Variants in IGF1R observed in about 807,000 individuals in gnomAD.
IGF1R encodes the protein insulin like growth factor 1 receptor.
A neutral mutation model predicts 144.6 loss-of-function variants in IGF1R; 44 were observed. The observed-to-expected ratio is 0.30, with a 90% confidence interval of 0.24 to 0.39. IGF1R has a LOEUF of 0.39. Among genes scored for constraint, IGF1R ranks in the 10% least tolerant of loss-of-function variants. IGF1R has a pLI of 1.00. For missense variants in IGF1R, 1,355 were observed against 1,833.7 expected, an observed-to-expected ratio of 0.74 and a Z score of 4.77; for synonymous variants, 795 against 722.8, an observed-to-expected ratio of 1.10 and a Z score of -1.60.
At position 98,963,878 on chromosome 15, in the gene IGF1R, G is replaced by C. The variant is rs913847369; in HGVS notation, c.*6436G>C. 3 of 233,018 alleles carry C rather than the reference G, an allele frequency of 1.3e-5. No individual in the cohort carries two copies. The highest frequency in any genetic ancestry group is 6.6e-5 in the African/African-American group (3 of 45,318). 14.4% of individuals were successfully genotyped at this position (233,018 alleles called of 1,614,324 possible). A position where few individuals can be genotyped will look rare whatever the true frequency, so the allele number is the denominator to read the frequency against. On this transcript the variant is annotated 3_prime_UTR_variant, in exon 21 of 21. Transcript: ENST00000650285. ...CTTCCTCTAACTCCAGTGGATTGTT[G>C]GCCATGTCTCCCCAACTCCACAATA...
chr15:98,663,737 G>A (rs542854139), intron 1 of IGF1R, among the ~76,000 whole-genome samples: 91 of 152,332 alleles, frequency 6.0e-4, no homozygotes, highest in African/African-American at 2.0e-3. Context: ...GTGGCCTTGG[G>A]CTTCCCGAGG....
At chr15:98,725,540 C>A (rs564241229) in intron 2 of IGF1R, among the ~76,000 whole-genome samples, 2 of 152,248 alleles carry the variant, frequency 1.3e-5, no homozygotes, top group East Asian at 3.9e-4. Flanking sequence ...GTTGACCCAA[C>A]CCATGCATGC....
At chr15:98,768,950 AC>A (rs749247118) in intron 2 of IGF1R, among the ~76,000 whole-genome samples, 10,198 of 151,854 alleles carry the variant, frequency 0.067, 428 homozygotes, top group Non-Finnish European at 0.085. Flanking sequence ...AACAACAACA[AC>A]AACAACAACA....
At position 98,660,543 on chromosome 15, in the gene IGF1R, C is replaced by T. The variant is rs572095090; in HGVS notation, c.94+10868C>T. 2.6e-5 allele frequency: 4 copies of T among 152,364 alleles called. No homozygotes were observed. The East Asian group carries it at 7.7e-4, about 29-fold the overall frequency. The allele number at this position is 152,364 out of a possible 1,614,324, so 9.4% of individuals were successfully genotyped here. A position where few individuals can be genotyped will look rare whatever the true frequency, so the allele number is the denominator to read the frequency against. Reference sequence around the variant, plus strand: ...TTCTTAAAGGGATACTCGCCATTCACTTTGAAGCACTTCTTTGTACAACAA... The same window carrying T: ...TTCTTAAAGGGATACTCGCCATTCATTTTGAAGCACTTCTTTGTACAACAA... On this transcript the variant is annotated intron_variant, in intron 1 of 20. Coordinates refer to ENST00000650285, the MANE Select transcript of IGF1R (RefSeq NM_000875.5).
chr15:98,805,339 T>C (rs1201382508), intron 2 of IGF1R, among the ~76,000 whole-genome samples: 2 of 152,218 alleles, frequency 1.3e-5, no homozygotes, highest in Admixed American at 6.5e-5. Flanking sequence ...CGAAACATTT[T>C]ACATTTCTCA....
At chr15:98,810,703 C>G (rs2037988471) in intron 2 of IGF1R, among the ~76,000 whole-genome samples, 1 of 152,028 alleles carries the variant, frequency 6.6e-6, no homozygotes, top group Non-Finnish European at 1.5e-5. Flanking sequence ...CGCCCGCCAC[C>G]ACGCCCGGCT....
intron 2 of IGF1R, among the ~76,000 whole-genome samples, chr15:98,872,922 A>G (rs117630974): frequency 0.059 from 8,933 of 151,636 alleles, 355 homozygotes; most frequent in Middle Eastern, 0.14. Context: ...AAATGGGCGT[A>G]GGCTGTTTCT....
intron 2 of IGF1R, among the ~76,000 whole-genome samples, chr15:98,708,308 A>G (rs1445610493): frequency 1.3e-5 from 2 of 152,196 alleles, no homozygotes; most frequent in Admixed American, 1.3e-4. Flanking sequence ...GGACTCTTGG[A>G]TTGCGGGACT....
chr15:98,650,796 C>G lies in IGF1R; in HGVS notation c.94+1121C>G, dbSNP rs772864318. On this transcript the variant is annotated intron_variant, in intron 1 of 20. Coordinates refer to ENST00000650285, the MANE Select transcript of IGF1R (RefSeq NM_000875.5). ...TCGCCCTCTCTTCTGCCGCCCCGCA[C>G]TTCCTTTGTACGTAGTTAATAAGCA... is the stretch of plus-strand genomic sequence containing the variant. 743 of 663,090 alleles carry G rather than the reference C, an allele frequency of 1.1e-3. 1 individual carries two copies. The highest frequency in any genetic ancestry group is 1.3e-3 in the Non-Finnish European group (711 of 535,174). 41.1% of individuals were successfully genotyped at this position (663,090 alleles called of 1,614,324 possible).
At chr15:98,939,583 G>A (rs774208169) in intron 18 of IGF1R, among the ~76,000 whole-genome samples, 1 of 152,156 alleles carries the variant, frequency 6.6e-6, no homozygotes, top group Non-Finnish European at 1.5e-5. Context: ...TACTGGGCAC[G>A]GTCCCTGAGG....
At chr15:98,789,946 G>T (rs1257829299) in intron 2 of IGF1R, among the ~76,000 whole-genome samples, 1 of 152,166 alleles carries the variant, frequency 6.6e-6, no homozygotes, top group Non-Finnish European at 1.5e-5. Flanking sequence ...TACTCTGTCT[G>T]CCAACATTTA....
chr15:98,785,897 C>T (rs2055982165), intron 2 of IGF1R, among the ~76,000 whole-genome samples: 2 of 152,198 alleles, frequency 1.3e-5, no homozygotes, highest in East Asian at 1.9e-4. Context: ...AGCACACCTA[C>T]GTGACCACTA....
chr15:98,846,635 CTG>C (rs1352244140), intron 2 of IGF1R, among the ~76,000 whole-genome samples: 3 of 152,176 alleles, frequency 2.0e-5, no homozygotes, highest in Non-Finnish European at 4.4e-5. Context: ...TCAGGGGTCC[CTG>C]TATAGGTGAC....
At chr15:98,659,867 T>G (rs898612454) in intron 1 of IGF1R, among the ~76,000 whole-genome samples, 1 of 152,216 alleles carries the variant, frequency 6.6e-6, no homozygotes, top group Non-Finnish European at 1.5e-5. Context: ...TCTCTCCCCT[T>G]TGGCTATTCT....
chr15:98,837,954 C>T (rs1240926727), intron 2 of IGF1R, among the ~76,000 whole-genome samples: 3 of 152,200 alleles, frequency 2.0e-5, no homozygotes, highest in Non-Finnish European at 4.4e-5. Context: ...AATGCCTTGA[C>T]CACAGTTGTG....
intron 2 of IGF1R, among the ~76,000 whole-genome samples, chr15:98,824,905 C>T (rs1410859800): frequency 1.3e-5 from 2 of 151,712 alleles, no homozygotes; most frequent in Non-Finnish European, 2.9e-5. Flanking sequence ...GGCACAATCT[C>T]GGCTCACTGC....
rs566712645 is a variant in IGF1R, at chr15:98,960,204, C to G, written c.*2762C>G. 1 of 233,718 alleles carries G rather than the reference C, an allele frequency of 4.3e-6. No homozygotes were observed. The highest frequency in any genetic ancestry group is 8.5e-6 in the Non-Finnish European group (1 of 118,080). The allele number at this position is 233,718 out of a possible 1,614,324, so 14.5% of individuals were successfully genotyped here. A position where few individuals can be genotyped will look rare whatever the true frequency, so the allele number is the denominator to read the frequency against. On this transcript the variant is annotated 3_prime_UTR_variant, in exon 21 of 21. Transcript: ENST00000650285. Reference sequence around the variant, plus strand: ...CCAGGTGATGCAGGGGGAAGCCAGGCTGTATTCCGGGGTCAAAGCAACACT... The same window carrying G: ...CCAGGTGATGCAGGGGGAAGCCAGGGTGTATTCCGGGGTCAAAGCAACACT...
intron 17 of IGF1R, among the ~76,000 whole-genome samples, chr15:98,938,793 C>T (rs547780991): frequency 1.3e-5 from 2 of 152,306 alleles, no homozygotes; most frequent in East Asian, 1.9e-4. Context: ...GCCTTTGTAA[C>T]GTGCTCTCCT....
chr15:98,891,338 G>A lies in IGF1R; in HGVS notation c.654G>A (p.Thr218=), dbSNP rs760813669. The change falls in exon 3 of 21, where the codon ACG becomes ACA. Residue 218 remains threonine (T), a synonymous_variant. Transcript: ENST00000650285. The surrounding 1 kb of genome is among the most constrained non-coding windows in gnomAD (Gnocchi z 4.7). ...TNRCQKMCPS[T]CGKRACTENN... ...CTCTCTCCACAGTGTGCCCAAGCAC[G>A]TGTGGGAAGCGGGCGTGCACCGAGA... The A allele has an allele frequency of 9.3e-6, 15 of 1,606,398 alleles. No individual in the cohort carries two copies. The highest frequency in any genetic ancestry group is 1.7e-5 in the Admixed American group (1 of 59,966).
Sources: allele counts gnomAD v4.1 joint callset (sites outside exome capture counted in the v4.1 genomes callset), GRCh38; gene constraint gnomAD v4.1.1; non-coding constraint Gnocchi (gnomAD v3.1); transcripts MANE v1.5; gene names NCBI Gene and HGNC (gene_info 2026-07-23, HGNC 2026-07-21).